Variants in TNR observed in about 807,000 individuals in gnomAD.
The protein encoded by TNR is tenascin-R.
In TNR, 45 loss-of-function variants were observed where a neutral mutation model predicts 150.4. That is an observed-to-expected ratio of 0.30 (90% CI 0.24 to 0.38). The LOEUF (loss-of-function observed/expected upper bound fraction) is 0.38, where lower values mean the gene tolerates loss of function less well. Ranked by LOEUF, TNR falls within the 10% of genes least tolerant of loss-of-function variation. TNR has a pLI of 1.00. For missense variants in TNR, 1,544 were observed against 1,759.1 expected (o/e 0.88, Z 2.19); for synonymous variants, 687 against 678.4 (o/e 1.01, Z -0.20).
chr1:175,506,250 A>C (rs1284883899), intron 2 of TNR, among the ~76,000 whole-genome samples: 1 of 152,184 alleles, frequency 6.6e-6, no homozygotes, highest in African/African-American at 2.4e-5. Flanking sequence ...CTGATTCAAG[A>C]GTGCCTTTCT....
intron 1 of TNR, among the ~76,000 whole-genome samples, chr1:175,636,154 G>A (rs977092116): frequency 2.0e-5 from 3 of 152,018 alleles, no homozygotes; most frequent in Non-Finnish European, 2.9e-5. Context: ...AAATAGCCTC[G>A]CCCCCAGCAG....
At chr1:175,693,584 C>T (rs1666435940) in intron 1 of TNR, among the ~76,000 whole-genome samples, 1 of 152,224 alleles carries the variant, frequency 6.6e-6, no homozygotes, top group African/African-American at 2.4e-5. Context: ...CACAATGCCT[C>T]CTCTCCTGGC....
intron 2 of TNR, among the ~76,000 whole-genome samples, chr1:175,468,274 C>T (rs1469832075): frequency 6.6e-6 from 1 of 152,102 alleles, no homozygotes; most frequent in Non-Finnish European, 1.5e-5. Context: ...AGGTGATTAC[C>T]TTCTTTAAGA....
Position 175,324,339 on chromosome 1 carries a change from G to A in TNR, c.3957+17C>T, listed in dbSNP as rs1262624854. 1.2e-6 allele frequency: 2 copies of A among 1,610,528 alleles called. No homozygotes were observed. The highest frequency in any genetic ancestry group is 2.2e-5 in the East Asian group (1 of 44,830). On this transcript the variant is annotated intron_variant, in intron 22 of 22. Transcript: ENST00000367674. ...ACAGCTCTGGCTCATTCATAGCAGA[G>A]GTGGAGCATCGCTTACCTGACTGTG...
At chr1:175,640,966 T>C (rs932765902) in intron 1 of TNR, among the ~76,000 whole-genome samples, 2 of 152,152 alleles carry the variant, frequency 1.3e-5, no homozygotes, top group Non-Finnish European at 2.9e-5. Flanking sequence ...ACAACCTAGA[T>C]TGTTGATGTA....
chr1:175,650,534 A>T (rs1320421585), intron 1 of TNR, among the ~76,000 whole-genome samples: 1 of 151,828 alleles, frequency 6.6e-6, no homozygotes, highest in Non-Finnish European at 1.5e-5. Context: ...TAATTGGTAC[A>T]GGCTAACAAA....
At chr1:175,694,476 A>G (rs1378480393) in intron 1 of TNR, among the ~76,000 whole-genome samples, 2 of 152,198 alleles carry the variant, frequency 1.3e-5, no homozygotes, top group South Asian at 2.1e-4. Context: ...TCACTGTCCA[A>G]TCAGATCCCA....
chr1:175,551,405 C>T (rs1032310246), intron 1 of TNR, among the ~76,000 whole-genome samples: 1 of 152,046 alleles, frequency 6.6e-6, no homozygotes, highest in African/African-American at 2.4e-5. Context: ...AGGATGCAGG[C>T]CACAAAACAA....
chr1:175,442,928 T>C (rs577994150), intron 2 of TNR, among the ~76,000 whole-genome samples: 2 of 149,012 alleles, frequency 1.3e-5, no homozygotes, highest in Admixed American at 6.6e-5. Context: ...CCCATACTTT[T>C]CCAAGTGTTC....
intron 2 of TNR, among the ~76,000 whole-genome samples, chr1:175,493,823 A>G (rs1658359938): frequency 6.6e-6 from 1 of 152,012 alleles, no homozygotes; most frequent in Non-Finnish European, 1.5e-5. Context: ...CGTGGCCACA[A>G]ATAGCTGCAC....
chr1:175,692,248 G>A (rs893204933), intron 1 of TNR, among the ~76,000 whole-genome samples: 33 of 145,652 alleles, frequency 2.3e-4, no homozygotes, highest in African/African-American at 7.5e-4. Context: ...GGTCTGGGTC[G>A]GGACACTCCA....
chr1:175,359,813 A>C, intron 14 of TNR, 82 bp from the exon 15 acceptor site: 4 of 1,512,580 alleles, frequency 2.6e-6, no homozygotes, highest in Non-Finnish European at 3.6e-6. Context: ...AGTTCCACTC[A>C]TGGTGCAAGA....
At chr1:175,631,720 GTGTGTGTGA>G (rs1007719539) in intron 1 of TNR, among the ~76,000 whole-genome samples, 24 of 152,228 alleles carry the variant, frequency 1.6e-4, no homozygotes, top group Admixed American at 1.4e-3. Context: ...GTGTGTGTTT[GTGTGTGTGA>G]TGTGTGTGTT....
chr1:175,688,813 C>G (rs1666272798), intron 1 of TNR, among the ~76,000 whole-genome samples: 1 of 152,252 alleles, frequency 6.6e-6, no homozygotes, highest in Non-Finnish European at 1.5e-5. Context: ...CTGTAAGTCA[C>G]TTCCATTCTC....
chr1:175,338,962 G>A (rs969816944), intron 18 of TNR, among the ~76,000 whole-genome samples: 8 of 152,354 alleles, frequency 5.3e-5, no homozygotes, highest in African/African-American at 9.6e-5. Flanking sequence ...CTGGCCTAAC[G>A]TAGTTTAGAA....
intron 1 of TNR, among the ~76,000 whole-genome samples, chr1:175,716,839 A>G (rs1326781910): frequency 6.6e-6 from 1 of 152,170 alleles, no homozygotes; most frequent in African/African-American, 2.4e-5. Flanking sequence ...ACATGCAACC[A>G]ACTTCTGTCC....
At chr1:175,380,956 G>A (rs117306884) in intron 8 of TNR, among the ~76,000 whole-genome samples, 33 of 152,328 alleles carry the variant, frequency 2.2e-4, no homozygotes, top group Middle Eastern at 3.4e-3. Context: ...CTGAAATGCC[G>A]TGAATCAATG....
At chr1:175,328,064 C>T (rs1235244025) in intron 21 of TNR, among the ~76,000 whole-genome samples, 2 of 152,200 alleles carry the variant, frequency 1.3e-5, no homozygotes, top group African/African-American at 2.4e-5. Context: ...GCCAAGATCA[C>T]GCCACTGCAC....
At chr1:175,477,133 C>A (rs1213806338) in intron 2 of TNR, among the ~76,000 whole-genome samples, 1 of 151,974 alleles carries the variant, frequency 6.6e-6, no homozygotes, top group African/African-American at 2.4e-5. Context: ...ATTTTTAGTT[C>A]CTGGGAAGGA....
Sources: allele counts gnomAD v4.1 joint callset (sites outside exome capture counted in the v4.1 genomes callset), GRCh38; gene constraint gnomAD v4.1.1; transcripts MANE v1.5; gene names NCBI Gene and HGNC (gene_info 2026-07-23, HGNC 2026-07-21).